CADM2: variants seen among roughly 807,000 people sequenced by gnomAD.
CADM2 encodes the protein immunoglobulin superfamily member 4D.
A neutral mutation model predicts 49.8 loss-of-function variants in CADM2; 12 were observed. The observed-to-expected ratio is 0.24, with a 90% CI of 0.15 to 0.39. The LOEUF (loss-of-function observed/expected upper bound fraction) is 0.39, where lower values mean the gene tolerates loss of function less well. Among genes scored for constraint, CADM2 ranks in the 10% least tolerant of loss-of-function variants. The probability of loss-of-function intolerance (pLI) is 1.00; values close to 1 mark genes in which losing one functional copy is unlikely to be tolerated. For missense variants in CADM2, 378 were observed against 492.3 expected, an observed-to-expected ratio of 0.77 and a Z score of 2.20; for synonymous variants, 214 against 175.4, an observed-to-expected ratio of 1.22 and a Z score of -1.74.
chr3:85,119,927 A>C (rs2038791171), intron 1 of CADM2, among the ~76,000 whole-genome samples: 1 of 152,168 alleles, frequency 6.6e-6, no homozygotes. Flanking sequence ...AAATTTTTGC[A>C]ATCTATGCAG....
chr3:85,481,258 ACAAT>A (rs1308224754), intron 1 of CADM2, among the ~76,000 whole-genome samples: 6 of 140,026 alleles, frequency 4.3e-5, no homozygotes, highest in East Asian at 4.4e-4. Context: ...GTTTTGTATC[ACAAT>A]CAATCAACAG....
intron 5 of CADM2, among the ~76,000 whole-genome samples, chr3:85,903,796 C>T (rs1333915351): frequency 2.0e-5 from 3 of 152,092 alleles, no homozygotes; most frequent in Non-Finnish European, 2.9e-5. Flanking sequence ...AGTGATTCCC[C>T]TTCACTATTT....
At chr3:85,349,115 A>G (rs1264611510) in intron 1 of CADM2, among the ~76,000 whole-genome samples, 1 of 151,962 alleles carries the variant, frequency 6.6e-6, no homozygotes, top group African/African-American at 2.4e-5. Flanking sequence ...TGCAATCATT[A>G]CCTCCCCTGT....
Position 85,291,758 on chromosome 3 carries a change from C to T in CADM2, c.61+332090C>T, listed in dbSNP as rs922367491. Among the ~76,000 whole-genome samples, 29 of 147,004 alleles carry T rather than the reference C, an allele frequency of 2.0e-4. 2 individuals carry two copies. The highest frequency in any genetic ancestry group is 1.6e-3 in the East Asian group (8 of 5,110). On this transcript the variant is annotated intron_variant, in intron 1 of 9. Transcript: ENST00000383699. Reference sequence around the variant, plus strand: ...AATGCTGAGAGATTTTGTCACCACCCGGCCTGCCCTAAAAGAGCTCCTGAA... The same window carrying T: ...AATGCTGAGAGATTTTGTCACCACCTGGCCTGCCCTAAAAGAGCTCCTGAA...
chr3:86,010,120 A>G (rs1559798693), intron 8 of CADM2, among the ~76,000 whole-genome samples: 2 of 152,008 alleles, frequency 1.3e-5, no homozygotes, highest in African/African-American at 2.4e-5. Flanking sequence ...TGATGACAGT[A>G]TGAATTACAA....
intron 8 of CADM2, among the ~76,000 whole-genome samples, chr3:86,029,321 T>C (rs1202401177): frequency 6.6e-6 from 1 of 152,020 alleles, no homozygotes; most frequent in African/African-American, 2.4e-5. Flanking sequence ...TAGGAGATGA[T>C]TACTCAAGTC....
At chr3:85,426,734 G>A (rs934847430) in intron 1 of CADM2, among the ~76,000 whole-genome samples, 5 of 152,108 alleles carry the variant, frequency 3.3e-5, no homozygotes, top group Middle Eastern at 6.8e-3. Flanking sequence ...TAAGAATTTT[G>A]TGTAATAAAA....
At chr3:85,239,104 G>A (rs1365897575) in intron 1 of CADM2, among the ~76,000 whole-genome samples, 1 of 151,742 alleles carries the variant, frequency 6.6e-6, no homozygotes, top group East Asian at 1.9e-4. Context: ...TTAATCAGAT[G>A]TGGCCCTTTA....
At chr3:85,608,945 A>G (rs2107440828) in intron 1 of CADM2, among the ~76,000 whole-genome samples, 1 of 152,268 alleles carries the variant, frequency 6.6e-6, no homozygotes, top group East Asian at 1.9e-4. Flanking sequence ...TTCAAGTCAA[A>G]TCAAGTCCAT....
At chr3:85,855,904 G>A (rs2075300731) in intron 3 of CADM2, among the ~76,000 whole-genome samples, 1 of 151,968 alleles carries the variant, frequency 6.6e-6, no homozygotes, top group South Asian at 2.1e-4. Flanking sequence ...GGGATTACAG[G>A]CGTGAGCCAC....
chr3:85,796,593 G>C (rs1018662862), intron 2 of CADM2, among the ~76,000 whole-genome samples: 3 of 152,112 alleles, frequency 2.0e-5, no homozygotes, highest in African/African-American at 7.2e-5. Flanking sequence ...TTTTTTACTT[G>C]ATAGGCTTAA....
At chr3:85,119,657 G>A (rs1360926345) in intron 1 of CADM2, among the ~76,000 whole-genome samples, 1 of 152,010 alleles carries the variant, frequency 6.6e-6, no homozygotes, top group African/African-American at 2.4e-5. Context: ...CCATTTGTTT[G>A]TGTCCTCTCT....
At chr3:85,754,161 A>G (rs374371235) in intron 2 of CADM2, among the ~76,000 whole-genome samples, 5 of 152,130 alleles carry the variant, frequency 3.3e-5, no homozygotes, top group Non-Finnish European at 5.9e-5. Flanking sequence ...TACCAGTTAA[A>G]TGTGGCCATT....
intron 8 of CADM2, among the ~76,000 whole-genome samples, chr3:85,998,854 C>G (rs552266124): frequency 6.6e-6 from 1 of 151,990 alleles, no homozygotes; most frequent in African/African-American, 2.4e-5. Context: ...ACAATTGTTC[C>G]AAGATATTAT....
At chr3:85,358,469 G>C (rs1402872196) in intron 1 of CADM2, among the ~76,000 whole-genome samples, 1 of 152,110 alleles carries the variant, frequency 6.6e-6, no homozygotes, top group African/African-American at 2.4e-5. Flanking sequence ...GTGATGGGCA[G>C]AACAGCAAAC....
chr3:85,643,587 T>C (rs2064793544), intron 1 of CADM2, among the ~76,000 whole-genome samples: 1 of 150,654 alleles, frequency 6.6e-6, no homozygotes, highest in Non-Finnish European at 1.5e-5. Context: ...GGGAGGGGAG[T>C]TGACTATACT....
At chr3:85,807,945 G>A (rs72908541) in intron 3 of CADM2, among the ~76,000 whole-genome samples, 5,535 of 152,186 alleles carry the variant, frequency 0.036, 309 homozygotes, top group African/African-American at 0.13. Flanking sequence ...TGGCACAGGA[G>A]ACAGAGAGTC....
At chr3:85,450,496 TAATA>T (rs1226677176) in intron 1 of CADM2, among the ~76,000 whole-genome samples, 2 of 151,874 alleles carry the variant, frequency 1.3e-5, no homozygotes, top group Admixed American at 1.3e-4. Context: ...ACAGCATAAA[TAATA>T]AATAAATAAA....
At chr3:85,095,101 A>C (rs879800610) in intron 1 of CADM2, among the ~76,000 whole-genome samples, 5 of 152,228 alleles carry the variant, frequency 3.3e-5, no homozygotes, top group Non-Finnish European at 5.9e-5. Flanking sequence ...GATGTCTATC[A>C]ATACCTTTAC....
Sources: allele counts gnomAD v4.1 joint callset (sites outside exome capture counted in the v4.1 genomes callset), GRCh38; gene constraint gnomAD v4.1.1; transcripts MANE v1.5; gene names NCBI Gene and HGNC (gene_info 2026-07-23, HGNC 2026-07-21).